Variants in SMYD2 observed in about 807,000 individuals in gnomAD.
SMYD2 encodes the protein N-lysine methyltransferase SMYD2.
Under a neutral mutation model 59.1 loss-of-function variants are expected in SMYD2, and 53 were observed. That is an observed-to-expected ratio of 0.90 (90% CI 0.72 to 1.13). The LOEUF is 1.13. Ranked by LOEUF, SMYD2 falls within the 50% of genes most tolerant of loss-of-function variation. The pLI is 0.00. For missense variants in SMYD2, 494 were observed against 544.7 expected, an observed-to-expected ratio of 0.91 and a Z score of 0.93; for synonymous variants, 208 against 198.8, an observed-to-expected ratio of 1.05 and a Z score of -0.39.
chr1:214,287,945 A>G (rs769725402), intron 1 of SMYD2, among the ~76,000 whole-genome samples: 4 of 152,242 alleles, frequency 2.6e-5, no homozygotes, highest in East Asian at 1.9e-4. Context: ...TAAGACTTCA[A>G]ATGTGCCAGT....
At chr1:214,304,654 T>A (rs1210303267) in intron 1 of SMYD2, among the ~76,000 whole-genome samples, 2 of 150,064 alleles carry the variant, frequency 1.3e-5, no homozygotes, top group African/African-American at 4.9e-5. Flanking sequence ...AGTCCTAGCA[T>A]ACTAAATTCC....
At chr1:214,309,020 T>C (rs1053850588) in intron 2 of SMYD2, among the ~76,000 whole-genome samples, 2 of 152,346 alleles carry the variant, frequency 1.3e-5, no homozygotes, top group East Asian at 3.9e-4. Flanking sequence ...CTCACATTGC[T>C]TCCTGGGGAT....
chr1:214,301,709 A>G (rs900786839), intron 1 of SMYD2, among the ~76,000 whole-genome samples: 3 of 150,600 alleles, frequency 2.0e-5, no homozygotes, highest in African/African-American at 7.4e-5. Flanking sequence ...TTTCAGTAAT[A>G]TATCTGCCAA....
At chr1:214,327,591 TA>T in intron 6 of SMYD2, 30 bp from the exon 7 acceptor site, 2 of 1,593,954 alleles carry the variant, frequency 1.3e-6, no homozygotes, top group Admixed American at 3.3e-5. Context: ...TATCTCATTT[TA>T]AAAACTGGGT....
intron 1 of SMYD2, among the ~76,000 whole-genome samples, chr1:214,297,474 C>T (rs201646867): frequency 5.9e-5 from 9 of 152,242 alleles, no homozygotes; most frequent in East Asian, 5.8e-4. Context: ...AGTCCTACAG[C>T]GAAAATGGAT....
At chr1:214,307,372 GAATT>G (rs1656931705) in intron 2 of SMYD2, among the ~76,000 whole-genome samples, 1 of 152,184 alleles carries the variant, frequency 6.6e-6, no homozygotes, top group Non-Finnish European at 1.5e-5. Flanking sequence ...CAGGAAAATC[GAATT>G]TGTGTAATTC....
chr1:214,304,119 C>G (rs1656876868), intron 1 of SMYD2, among the ~76,000 whole-genome samples: 2 of 152,152 alleles, frequency 1.3e-5, no homozygotes, highest in African/African-American at 4.8e-5. Context: ...CAACAATGTC[C>G]CTGTCCTTTA....
chr1:214,295,543 A>G (rs1393231058), intron 1 of SMYD2, among the ~76,000 whole-genome samples: 2 of 152,124 alleles, frequency 1.3e-5, no homozygotes, highest in Admixed American at 6.5e-5. Context: ...TCCGGTTCCA[A>G]TAGTTGGGAA....
intron 10 of SMYD2, 54 bp downstream of exon 10, chr1:214,332,246 A>G: frequency 6.3e-7 from 1 of 1,585,670 alleles, no homozygotes; most frequent in African/African-American, 1.3e-5. Context: ...GTTGTTTAGA[A>G]TGTATACGAT....
rs1245580233 is a variant in SMYD2 at position 214,283,788 on chromosome 1, AC to A, written c.173+2365del. 8.5e-5 allele frequency among the ~76,000 whole-genome samples: 13 copies of A among 152,302 alleles called. No homozygotes were observed. In the South Asian group the frequency reaches 1.5e-3, roughly 17 times the overall value. On this transcript the variant is annotated intron_variant, in intron 1 of 11. Transcript: ENST00000366957. ...AGCTCCACACACCCAAAAGAAAGCT[AC>A]CCCTTATCCTTTCTTTTGCCAGAAG...
chr1:214,325,375 G>A (rs1657244228), intron 6 of SMYD2, among the ~76,000 whole-genome samples: 1 of 152,244 alleles, frequency 6.6e-6, no homozygotes, highest in African/African-American at 2.4e-5. Context: ...TTCAGTCCCT[G>A]AAATCAAACC....
rs1558054124 is a variant in SMYD2, at chr1:214,314,756, T to C, written c.238-6T>C. The C allele has an allele frequency of 6.2e-7, 1 of 1,610,018 alleles. No individual in the cohort carries two copies. Among genetic ancestry groups the C allele is most frequent in the South Asian group, 1.1e-5 (1 of 90,872 alleles). ...TTTTTAATAATGTTTTTTTCAATCT[T>C]CCCAGAAAGAAGATTGGCCCATGCA... On this transcript the variant is annotated splice_region_variant and splice_polypyrimidine_tract_variant and intron_variant, in intron 2 of 11. Coordinates refer to ENST00000366957, the MANE Select transcript of SMYD2 (RefSeq NM_020197.3).
intron 7 of SMYD2, among the ~76,000 whole-genome samples, chr1:214,328,689 G>T (rs1174853620): frequency 6.6e-6 from 1 of 152,224 alleles, no homozygotes. Flanking sequence ...AATGACAAGT[G>T]CTTTGCTTTC....
chr1:214,286,746 T>C (rs1656552831), intron 1 of SMYD2, among the ~76,000 whole-genome samples: 1 of 77,796 alleles, frequency 1.3e-5, no homozygotes. Context: ...CTAGCCTCCA[T>C]CTCAAAAAAA....
chr1:214,326,022 G>A (rs1422749520), intron 6 of SMYD2, among the ~76,000 whole-genome samples: 1 of 151,806 alleles, frequency 6.6e-6, no homozygotes, highest in East Asian at 1.9e-4. Context: ...GGCAGATCAC[G>A]AGGTCAGGAG....
At chr1:214,336,505 C>G (rs1657441257) in intron 11 of SMYD2, among the ~76,000 whole-genome samples, 199 bp from the exon 12 acceptor site, 1 of 152,206 alleles carries the variant, frequency 6.6e-6, no homozygotes, top group Non-Finnish European at 1.5e-5. Context: ...GCACTCCAGC[C>G]TGGGCGACAG....
intron 1 of SMYD2, among the ~76,000 whole-genome samples, chr1:214,290,092 C>G (rs1409135004): frequency 6.6e-6 from 1 of 152,184 alleles, no homozygotes; most frequent in Non-Finnish European, 1.5e-5. Context: ...TTCCTGCCAC[C>G]CTCCGCGGCT....
intron 11 of SMYD2, among the ~76,000 whole-genome samples, chr1:214,335,143 T>A (rs1253578752): frequency 1.3e-5 from 2 of 152,244 alleles, no homozygotes; most frequent in Admixed American, 6.5e-5. Context: ...TATAAAATGC[T>A]GGGGCCATGG....
intron 1 of SMYD2, among the ~76,000 whole-genome samples, chr1:214,298,658 A>C (rs1656770380): frequency 6.6e-6 from 1 of 152,216 alleles, no homozygotes; most frequent in African/African-American, 2.4e-5. Flanking sequence ...ACAAAGGTCT[A>C]ATATCCAGAA....
Sources: allele counts gnomAD v4.1 joint callset (sites outside exome capture counted in the v4.1 genomes callset), GRCh38; gene constraint gnomAD v4.1.1; transcripts MANE v1.5; gene names NCBI Gene and HGNC (gene_info 2026-07-23, HGNC 2026-07-21).